The following CRYZ variants were observed in gnomAD, a reference collection of about 807,000 sequenced individuals.
CRYZ encodes the protein crystallin zeta.
CRYZ carries 35 observed loss-of-function variants against 34.1 expected under a neutral mutation model. That is an observed-to-expected ratio of 1.03 (90% CI 0.78 to 1.36). The LOEUF (loss-of-function observed/expected upper bound fraction) is 1.36. Ranked by LOEUF, CRYZ falls within the 40% of genes most tolerant of loss-of-function variation. CRYZ has a pLI of 0.00. For missense variants in CRYZ, 403 were observed against 391.8 expected (o/e 1.03, Z -0.24); for synonymous variants, 137 against 136.5 (o/e 1.00, Z -0.03).
At chr1:74,722,593 CAT>C (rs71078199) in intron 3 of CRYZ, among the ~76,000 whole-genome samples, 14 of 148,596 alleles carry the variant, frequency 9.4e-5, no homozygotes, top group East Asian at 5.9e-4. Context: ...TGTCTTTGGG[CAT>C]ATATATATAT....
intron 1 of CRYZ, among the ~76,000 whole-genome samples, chr1:74,732,612 G>T (rs879361459): frequency 1.9e-5 from 1 of 51,968 alleles, no homozygotes; most frequent in Non-Finnish European, 6.2e-5. Context: ...GGGGGGGGGG[G>T]GGGTGCAGCG....
intron 3 of CRYZ, among the ~76,000 whole-genome samples, chr1:74,721,417 G>C (rs1395276445): frequency 6.6e-6 from 1 of 152,148 alleles, no homozygotes; most frequent in African/African-American, 2.4e-5. Flanking sequence ...GCATGAAACA[G>C]TCTTATTTCA....
chr1:74,707,197 A>T lies in CRYZ; in HGVS notation c.638T>A (p.Val213Asp). The part of the protein sequence containing the change: ...VNYIDKIKKY[V>D]GEKGIDIIIE... ...AATTATATCAATTCCTTTCTCACCAACATACTTCTATATAATAAAAGAGAA... is the reference window on the plus strand; with the variant it reads ...AATTATATCAATTCCTTTCTCACCATCATACTTCTATATAATAAAAGAGAA... The change falls in exon 7 of 9, where the codon GTT becomes GAT. Residue 213 changes from valine to aspartate, a missense_variant. Physicochemically the swap from Val to Asp is radical, Grantham distance 152. Coordinates refer to ENST00000340866, the MANE Select transcript of CRYZ (RefSeq NM_001889.4). The T allele has an allele frequency of 6.7e-7, 1 of 1,501,136 alleles. No homozygotes were observed. Among genetic ancestry groups the T allele is most frequent in the Non-Finnish European group, 9.1e-7 (1 of 1,093,696 alleles). 93.0% of individuals were successfully genotyped at this position (1,501,136 alleles called of 1,614,324 possible). A position where few individuals can be genotyped will look rare whatever the true frequency, so the allele number is the denominator to read the frequency against.
chr1:74,706,543 T>C (rs1181181080), intron 8 of CRYZ, 86 bp from the exon 9 acceptor site: 19 of 1,217,902 alleles, frequency 1.6e-5, no homozygotes, highest in Non-Finnish European at 2.0e-5. Flanking sequence ...AGAATCTAAG[T>C]GTTATACCAT....
chr1:74,707,634 A>G (rs1646947906), intron 6 of CRYZ: 1 of 153,212 alleles, frequency 6.5e-6, no homozygotes, highest in South Asian at 2.1e-4. Context: ...GTTTTGCATG[A>G]TTTTTGTTGT....
chr1:74,732,037 A>G (rs550267689), intron 1 of CRYZ, among the ~76,000 whole-genome samples: 1 of 152,346 alleles, frequency 6.6e-6, no homozygotes, highest in Non-Finnish European at 1.5e-5. Flanking sequence ...AAGACAAAAA[A>G]TCCCCCACAG....
At position 74,714,893 on chromosome 1, in the gene CRYZ, G is replaced by A. The variant is rs1480259610; in HGVS notation, c.429-263C>T. Among the ~76,000 whole-genome samples, 3 of 152,098 alleles carry A rather than the reference G, an allele frequency of 2.0e-5. No individual in the cohort carries two copies. The East Asian group carries it at 5.8e-4, about 29-fold the overall frequency. ...TGCTGGACACTGGGATGACTATGTG[G>A]TGCTACTTCTGAGTGGCTACAGTCC... On this transcript the variant is annotated intron_variant, in intron 4 of 8. Coordinates refer to ENST00000340866, the MANE Select transcript of CRYZ (RefSeq NM_001889.4).
At chr1:74,719,939 C>T (rs1415769843) in intron 3 of CRYZ, among the ~76,000 whole-genome samples, 2 of 151,936 alleles carry the variant, frequency 1.3e-5, no homozygotes, top group Non-Finnish European at 2.9e-5. Context: ...TGGCTCAGTC[C>T]ATGAAGAGCT....
chr1:74,727,040 A>C (rs1175908836), intron 1 of CRYZ, among the ~76,000 whole-genome samples: 1 of 151,700 alleles, frequency 6.6e-6, no homozygotes, highest in South Asian at 2.1e-4. Context: ...CACTATCAGC[A>C]TTTTGGTCAA....
In CRYZ at chr1:74,724,801, C is replaced by A; in HGVS notation, c.21G>T (p.Leu7Phe). 1.2e-6 allele frequency: 2 copies of A among 1,612,142 alleles called. No individual in the cohort carries two copies. Among genetic ancestry groups the A allele is most frequent in the Non-Finnish European group, 1.7e-6 (2 of 1,179,106 alleles). ...ATTCAAAAACTCTAACAGCTCTCATCAACTTCTGTCCAGTCGCCATGGTGA... is the reference window on the plus strand; with the variant it reads ...ATTCAAAAACTCTAACAGCTCTCATAAACTTCTGTCCAGTCGCCATGGTGA... MATGQK[L>F]MRAVRVFEFG... The change falls in exon 2 of 9, where the codon TTG becomes TTT. Residue 7 changes from leucine (L) to phenylalanine (F), a missense_variant. Transcript: ENST00000340866.
chr1:74,715,896 T>TA (rs1248209451), intron 4 of CRYZ, among the ~76,000 whole-genome samples: 8 of 150,262 alleles, frequency 5.3e-5, no homozygotes, highest in African/African-American at 7.4e-5. Flanking sequence ...ATTACTCTGT[T>TA]ACAGAAACAG....
At chr1:74,716,992 T>G (rs1647085796) in intron 4 of CRYZ, among the ~76,000 whole-genome samples, 1 of 152,160 alleles carries the variant, frequency 6.6e-6, no homozygotes. Context: ...AAAATATCAC[T>G]TTTTGCCTCC....
intron 4 of CRYZ, among the ~76,000 whole-genome samples, chr1:74,717,253 T>C (rs1039796071): frequency 6.6e-6 from 1 of 152,162 alleles, no homozygotes; most frequent in Non-Finnish European, 1.5e-5. Flanking sequence ...ATCCCTTTTT[T>C]CCACATACTC....
At chr1:74,730,904 G>C (rs1420907620) in intron 1 of CRYZ, among the ~76,000 whole-genome samples, 1 of 152,122 alleles carries the variant, frequency 6.6e-6, no homozygotes, top group African/African-American at 2.4e-5. Flanking sequence ...CTTAGAGTTT[G>C]AAATTTCTCA....
Position 74,723,248 on chromosome 1 carries a change from C to A in CRYZ, c.134G>T (p.Cys45Phe). ...GTATGTCTCCACGGGGTTGACACCACATGCATGGACCTTGATTAGAACCTG... is the reference window on the plus strand; with the variant it reads ...GTATGTCTCCACGGGGTTGACACCAAATGCATGGACCTTGATTAGAACCTG... ...DHQVLIKVHA[C>F]GVNPVETYIR... is the part of the protein sequence containing the mutation. The change falls in exon 3 of 9, where the codon TGT (cysteine) becomes TTT (phenylalanine). Residue 45 changes from cysteine to phenylalanine, a missense_variant. Coordinates refer to ENST00000340866, the MANE Select transcript of CRYZ (RefSeq NM_001889.4). The A allele has an allele frequency of 1.9e-6, 3 of 1,611,388 alleles. No individual in the cohort carries two copies. The highest frequency in any genetic ancestry group is 2.5e-6 in the Non-Finnish European group (3 of 1,179,424).
In CRYZ at chr1:74,719,311, G is replaced by T; in HGVS notation, c.326C>A (p.Ala109Glu). The part of the protein sequence containing the change: ...ISGGYAEYAL[A>E]ADHTVYKLPE... The stretch of plus-strand genomic sequence containing the variant: ...TAGTTTGTAAACAGTGTGGTCTGCT[G>T]CAAGAGCATACTCTGCATAACCCCC... Residue 109 changes from alanine to glutamate, a missense_variant, in exon 4 of 9, where the codon GCA becomes GAA. Coordinates refer to ENST00000340866, the MANE Select transcript of CRYZ (RefSeq NM_001889.4). The T allele has an allele frequency of 1.2e-6, 2 of 1,613,774 alleles. No homozygotes were observed. The highest frequency in any genetic ancestry group is 8.5e-7 in the Non-Finnish European group (1 of 1,179,716).
intron 1 of CRYZ, among the ~76,000 whole-genome samples, chr1:74,729,646 CAAAA>C (rs143083074): frequency 5.8e-5 from 4 of 68,482 alleles, no homozygotes; most frequent in Admixed American, 1.8e-4. Context: ...GACCCTGTCT[CAAAA>C]AAAAAAAAAA....
At chr1:74,728,234 C>T (rs1220458428) in intron 1 of CRYZ, among the ~76,000 whole-genome samples, 1 of 152,138 alleles carries the variant, frequency 6.6e-6, no homozygotes, top group Non-Finnish European at 1.5e-5. Flanking sequence ...AAAAACAGTG[C>T]ACCATATGCA....
intron 3 of CRYZ, 122 bp downstream of exon 3, chr1:74,722,996 G>C (rs547531509): frequency 2.2e-6 from 2 of 914,340 alleles, no homozygotes; most frequent in Non-Finnish European, 3.3e-6. Context: ...GGAGTCCCCC[G>C]AGTGGCAGAA....
Sources: gnomAD v4.1 joint callset for allele counts (sites outside exome capture counted in the v4.1 genomes callset) on GRCh38, gnomAD v4.1.1 for gene constraint, MANE v1.5 for transcripts, NCBI Gene and HGNC (gene_info 2026-07-23, HGNC 2026-07-21) for gene names.